The following PRKG1 variants were observed in gnomAD, a reference collection of about 807,000 sequenced individuals.
PRKG1 encodes protein kinase cGMP-dependent 1, also known as cGMP-dependent protein kinase 1.
In PRKG1, 35 loss-of-function variants were observed where a neutral mutation model predicts 88.1. The observed-to-expected ratio is 0.40, with a 90% CI of 0.30 to 0.53. The LOEUF (loss-of-function observed/expected upper bound fraction) is 0.53, where lower values mean the gene tolerates loss of function less well. Ranked by LOEUF, PRKG1 falls within the 20% of genes least tolerant of loss-of-function variation. The pLI, the probability that PRKG1 is intolerant of heterozygous loss-of-function variation, is 0.59. For missense variants in PRKG1, 540 were observed against 839.8 expected, an observed-to-expected ratio of 0.64 and a Z score of 4.41; for synonymous variants, 303 against 292.5, an observed-to-expected ratio of 1.04 and a Z score of -0.37.
chr10:51,148,198 G>C (rs1845985369), intron 1 of PRKG1: 1 of 972,976 alleles, frequency 1.0e-6, no homozygotes, highest in Admixed American at 6.1e-5. Flanking sequence ...GCTGTGGACT[G>C]TCATGTCCTC....
At chr10:51,378,616 A>G (rs543698109) in intron 2 of PRKG1, among the ~76,000 whole-genome samples, 1 of 152,292 alleles carries the variant, frequency 6.6e-6, no homozygotes, top group South Asian at 2.1e-4. Flanking sequence ...AACATTATAT[A>G]TTGTTCTTGG....
At chr10:51,970,910 T>C (rs11000333) in intron 5 of PRKG1, among the ~76,000 whole-genome samples, 29,657 of 150,260 alleles carry the variant, frequency 0.2, 3,770 homozygotes, top group Non-Finnish European at 0.28. Flanking sequence ...AGAGTATTCA[T>C]AGCAGTTTTG....
intron 3 of PRKG1, among the ~76,000 whole-genome samples, chr10:51,784,978 A>AT (rs1189418559): frequency 5.9e-5 from 9 of 151,466 alleles, no homozygotes; most frequent in East Asian, 1.9e-4. Flanking sequence ...TTTTCTTCTC[A>AT]TTTTTTTTAG....
At chr10:51,292,590 G>C (rs1053383030) in intron 2 of PRKG1, among the ~76,000 whole-genome samples, 1 of 152,018 alleles carries the variant, frequency 6.6e-6, no homozygotes, top group Non-Finnish European at 1.5e-5. Flanking sequence ...ATAGGATTTG[G>C]TTTTTCTGCA....
rs1173598603 is a variant in PRKG1 at position 51,613,307 on chromosome 10, A to G, written c.592+145471A>G. On this transcript the variant is annotated intron_variant, in intron 3 of 17. Transcript: ENST00000373980. The stretch of plus-strand genomic sequence containing the variant: ...TCTAGATTTTCCAGTTTGTTAGTGT[A>G]TAGTTATTTATAATAGTTTCTGGTG... 3.3e-5 allele frequency among the ~76,000 whole-genome samples: 5 copies of G among 151,866 alleles called. No individual in the cohort carries two copies. The East Asian group carries it at 5.8e-4, about 18-fold the overall frequency.
In PRKG1 at chr10:52,259,250, C is replaced by T. The variant is rs143262118; in HGVS notation, c.1173+7584C>T. Among the ~76,000 whole-genome samples, 70 of 152,008 alleles carry T rather than the reference C, an allele frequency of 4.6e-4. 1 individual carries two copies. Among genetic ancestry groups the T allele is most frequent in the Non-Finnish European group, 8.8e-4 (60 of 67,958 alleles). ...GACTAGACAAGCTATTTTTAGGTGG[C>T]GCTGCTCCCAGAAATAGACATCATA... On this transcript the variant is annotated intron_variant, in intron 10 of 17. Transcript: ENST00000373980.
chr10:52,016,471 T>C (rs1005690972), intron 5 of PRKG1, among the ~76,000 whole-genome samples: 1 of 152,146 alleles, frequency 6.6e-6, no homozygotes. Flanking sequence ...GGATTACAAT[T>C]TGAGATGAGA....
chr10:51,159,689 A>C (rs1482271769), intron 2 of PRKG1, among the ~76,000 whole-genome samples: 1 of 152,146 alleles, frequency 6.6e-6, no homozygotes, highest in African/African-American at 2.4e-5. Flanking sequence ...GCCATGCTTC[A>C]GAAAGGACTT....
At chr10:51,697,506 C>T in intron 3 of PRKG1, 1 of 604,054 alleles carries the variant, frequency 1.7e-6, no homozygotes, top group Non-Finnish European at 2.9e-6. Flanking sequence ...CAGACGCACT[C>T]CCTCCTCCCC....
At chr10:51,634,656 A>G (rs543747941) in intron 3 of PRKG1, among the ~76,000 whole-genome samples, 2 of 152,146 alleles carry the variant, frequency 1.3e-5, no homozygotes, top group African/African-American at 4.8e-5. Context: ...TACACTAGTC[A>G]TGATAAATCA....
intron 6 of PRKG1, among the ~76,000 whole-genome samples, chr10:52,059,214 C>G (rs1456280408): frequency 1.3e-5 from 2 of 151,920 alleles, no homozygotes; most frequent in Non-Finnish European, 2.9e-5. Flanking sequence ...AATCACTGCT[C>G]CTGGGAATGC....
intron 3 of PRKG1, among the ~76,000 whole-genome samples, chr10:51,641,621 A>G (rs1156811151): frequency 6.6e-6 from 1 of 152,120 alleles, no homozygotes; most frequent in Non-Finnish European, 1.5e-5. Context: ...GTGATCGTCT[A>G]TTAGATTGGT....
intron 4 of PRKG1, among the ~76,000 whole-genome samples, chr10:51,858,141 T>A (rs1363973365): frequency 1.6e-4 from 4 of 25,592 alleles, no homozygotes; most frequent in African/African-American, 9.8e-4. Flanking sequence ...TATATACATA[T>A]TATACATATA....
At chr10:51,865,595 G>A (rs1478452892) in intron 4 of PRKG1, among the ~76,000 whole-genome samples, 2 of 151,944 alleles carry the variant, frequency 1.3e-5, no homozygotes, top group Admixed American at 6.6e-5. Flanking sequence ...TTCATTTAGA[G>A]TATTGCTGAA....
chr10:52,131,362 T>C (rs1176315359), intron 7 of PRKG1, among the ~76,000 whole-genome samples: 5 of 152,070 alleles, frequency 3.3e-5, no homozygotes. Flanking sequence ...GAGAGGTATG[T>C]AGGGCTACGA....
At chr10:51,529,896 A>G (rs894802704) in intron 3 of PRKG1, among the ~76,000 whole-genome samples, 4 of 152,224 alleles carry the variant, frequency 2.6e-5, no homozygotes, top group African/African-American at 9.6e-5. Context: ...CAATCTAATG[A>G]CATTATGAAA....
At chr10:51,707,004 T>A (rs1841622380) in intron 3 of PRKG1, among the ~76,000 whole-genome samples, 1 of 152,200 alleles carries the variant, frequency 6.6e-6, no homozygotes, top group South Asian at 2.1e-4. Context: ...ATATCTTTAT[T>A]TTTATTATTG....
intron 7 of PRKG1, among the ~76,000 whole-genome samples, chr10:52,133,041 T>G (rs1265191102): frequency 6.6e-6 from 1 of 152,218 alleles, no homozygotes; most frequent in African/African-American, 2.4e-5. Flanking sequence ...AGTTAAGTCT[T>G]AGTCATTCTT....
chr10:51,825,918 G>T (rs1306703362), intron 4 of PRKG1, among the ~76,000 whole-genome samples: 5 of 152,126 alleles, frequency 3.3e-5, no homozygotes, highest in African/African-American at 1.2e-4. Context: ...TTTCTCAGCA[G>T]TTGATGCTGT....
Sources: allele counts gnomAD v4.1 joint callset (sites outside exome capture counted in the v4.1 genomes callset), GRCh38; gene constraint gnomAD v4.1.1; transcripts MANE v1.5; gene names NCBI Gene and HGNC (gene_info 2026-07-23, HGNC 2026-07-21).